Variants in CPLX1 observed in about 807,000 individuals in gnomAD.
CPLX1 encodes complexin-1.
In CPLX1, 6 loss-of-function variants were observed where a neutral mutation model predicts 15.6. That is an observed-to-expected ratio of 0.39 (90% CI 0.21 to 0.76). The LOEUF is 0.76. CPLX1 is among the 30% of genes least tolerant of loss of function. The pLI is 0.43. For synonymous variants in CPLX1, 91 were observed against 75.2 expected, an observed-to-expected ratio of 1.21 and a Z score of -1.08; for missense variants, 242 against 188.6, an observed-to-expected ratio of 1.28 and a Z score of -1.66.
chr4:792,771 C>G (rs1746223865), intron 2 of CPLX1, 163 bp from the exon 3 acceptor site: 2 of 711,242 alleles, frequency 2.8e-6, no homozygotes, highest in Non-Finnish European at 2.3e-6. Context: ...CCACCTCCAT[C>G]TGGCCCTGAC....
chr4:807,836 A>G (rs921724053), intron 2 of CPLX1, among the ~76,000 whole-genome samples: 2 of 152,166 alleles, frequency 1.3e-5, no homozygotes, highest in African/African-American at 4.8e-5. Flanking sequence ...TTATAATCTC[A>G]CCTGTCAAAA....
chr4:821,496 C>T (rs904134650), intron 2 of CPLX1, among the ~76,000 whole-genome samples: 1 of 152,304 alleles, frequency 6.6e-6, no homozygotes, highest in East Asian at 1.9e-4. Flanking sequence ...GATGGGAGAG[C>T]GGGTGGCTGC....
chr4:789,706 G>A lies in CPLX1; in HGVS notation c.207+2727C>T, dbSNP rs551660187. On this transcript the variant is annotated intron_variant, in intron 3 of 3. Transcript: ENST00000304062. ...GGCCTGTCCAGATGGCTGCCTGACAGGAGGTGCAGGCGCGCTGCTCCTCTG... is the reference window on the plus strand; with the variant it reads ...GGCCTGTCCAGATGGCTGCCTGACAAGAGGTGCAGGCGCGCTGCTCCTCTG... Among the ~76,000 whole-genome samples, 20 of 152,350 alleles carry A rather than the reference G, an allele frequency of 1.3e-4. 1 individual carries two copies. Among genetic ancestry groups the A allele is most frequent in the African/African-American group, 4.8e-4 (20 of 41,582 alleles).
rs1054557012 is a variant in CPLX1, at chr4:786,386, G to C, written c.*115C>G. ...GGCGGGCGCGGGCAGGGCGGGCCTG[G>C]GGCTATGGCTTATATCGGCGTGGGG... is the stretch of plus-strand genomic sequence containing the variant. On this transcript the variant is annotated 3_prime_UTR_variant, in exon 4 of 4. Coordinates refer to ENST00000304062, the MANE Select transcript of CPLX1 (RefSeq NM_006651.4). 1.2e-5 allele frequency: 15 copies of C among 1,212,912 alleles called. 1 individual carries two copies. The highest frequency in any genetic ancestry group is 3.1e-5 in the Admixed American group (1 of 32,064). 75.1% of individuals were successfully genotyped at this position (1,212,912 alleles called of 1,614,324 possible). A position where few individuals can be genotyped will look rare whatever the true frequency, so the allele number is the denominator to read the frequency against.
At chr4:823,551 C>G (rs1460397883) in intron 2 of CPLX1, among the ~76,000 whole-genome samples, 3 of 152,368 alleles carry the variant, frequency 2.0e-5, no homozygotes, top group Admixed American at 2.0e-4. Context: ...CAAGACGTCT[C>G]TAGTGGTAGA....
At chr4:817,755 G>A (rs1042643619) in intron 2 of CPLX1, among the ~76,000 whole-genome samples, 1 of 152,092 alleles carries the variant, frequency 6.6e-6, no homozygotes, top group Non-Finnish European at 1.5e-5. Flanking sequence ...TCCTCCTCCA[G>A]GCCCTGGGGC....
intron 2 of CPLX1, among the ~76,000 whole-genome samples, chr4:793,108 G>A (rs1408491885): frequency 6.6e-6 from 1 of 152,250 alleles, no homozygotes; most frequent in African/African-American, 2.4e-5. Context: ...GCAGTTGTGT[G>A]TGAGCTTCCA....
At position 797,101 on chromosome 4, in the gene CPLX1, T is replaced by G. The variant is rs6599377; in HGVS notation, c.32-4493A>C. Reference sequence around the variant, plus strand: ...GCACAACACACAGACACATTCTTATTGATTGTAGAACTAAACATGAATCCC... The same window carrying G: ...GCACAACACACAGACACATTCTTATGGATTGTAGAACTAAACATGAATCCC... On this transcript the variant is annotated intron_variant, in intron 2 of 3. Transcript: ENST00000304062. 8.0e-3 allele frequency among the ~76,000 whole-genome samples: 1,222 copies of G among 152,320 alleles called. 14 individuals carry two copies. The highest frequency in any genetic ancestry group is 0.026 in the African/African-American group (1,072 of 41,558).
At chr4:815,664 C>G (rs942875450) in intron 2 of CPLX1, among the ~76,000 whole-genome samples, 5 of 152,124 alleles carry the variant, frequency 3.3e-5, no homozygotes, top group Non-Finnish European at 5.9e-5. Flanking sequence ...TTAAGAAGTC[C>G]GTTATTGTAA....
Position 795,402 on chromosome 4 carries a change from C to T in CPLX1, c.32-2794G>A, listed in dbSNP as rs934933673. Reference sequence around the variant, plus strand: ...TGGAAGCATGAGCTGCATCCCGCATCCGCAGGAGGGCGGCGCTGCGACCCA... The same window carrying T: ...TGGAAGCATGAGCTGCATCCCGCATTCGCAGGAGGGCGGCGCTGCGACCCA... On this transcript the variant is annotated intron_variant, in intron 2 of 3. Transcript: ENST00000304062. Among the ~76,000 whole-genome samples, 3 of 152,212 alleles carry T rather than the reference C, an allele frequency of 2.0e-5. No homozygotes were observed. In the South Asian group the frequency reaches 6.2e-4, roughly 31 times the overall value.
At chr4:809,719 C>T (rs889571705) in intron 2 of CPLX1, among the ~76,000 whole-genome samples, 1 of 152,246 alleles carries the variant, frequency 6.6e-6, no homozygotes, top group African/African-American at 2.4e-5. Flanking sequence ...ACAGTGGACA[C>T]GTCCAGCCCT....
intron 3 of CPLX1, chr4:788,544 C>T (rs868314954): frequency 1.6e-5 from 16 of 985,352 alleles, no homozygotes; most frequent in African/African-American, 5.2e-5. Context: ...GAACGTTCTC[C>T]GCACAACAGG....
At chr4:797,038 A>C (rs1290966623) in intron 2 of CPLX1, among the ~76,000 whole-genome samples, 1 of 152,236 alleles carries the variant, frequency 6.6e-6, no homozygotes, top group African/African-American at 2.4e-5. Context: ...CCCAGATGGG[A>C]CAGGATACTT....
At chr4:807,013 A>G (rs1746566354) in intron 2 of CPLX1, among the ~76,000 whole-genome samples, 1 of 152,254 alleles carries the variant, frequency 6.6e-6, no homozygotes, top group African/African-American at 2.4e-5. Context: ...CTATTTTAAG[A>G]TATATGTACG....
chr4:824,864 A>G, intron 1 of CPLX1: 1 of 492,970 alleles, frequency 2.0e-6, no homozygotes, highest in South Asian at 1.7e-5. Flanking sequence ...GGCATCGCTC[A>G]GAGGCGCCTG....
rs144353088 is a variant in CPLX1, at chr4:810,497, G to A, written c.31+13995C>T. The stretch of plus-strand genomic sequence containing the variant: ...TTTAAGCTCCCACTGGAGAGCATGA[G>A]GGCGTGGGTTTCTCCACATGCGTGA... On this transcript the variant is annotated intron_variant, in intron 2 of 3. Transcript: ENST00000304062. Among the ~76,000 whole-genome samples the A allele has an allele frequency of 6.0e-3, 913 of 152,300 alleles. 5 individuals carry two copies. The highest frequency in any genetic ancestry group is 0.021 in the African/African-American group (869 of 41,552).
chr4:786,860 G>GC, intron 3 of CPLX1, 162 bp from the exon 4 acceptor site: 1 of 923,124 alleles, frequency 1.1e-6, no homozygotes, highest in Non-Finnish European at 1.3e-6. Flanking sequence ...ACCCCACCCC[G>GC]GGGGGTCCCT....
chr4:792,280 C>G (rs1369785778), intron 3 of CPLX1, among the ~76,000 whole-genome samples, 153 bp downstream of exon 3: 1 of 152,294 alleles, frequency 6.6e-6, no homozygotes, highest in East Asian at 1.9e-4. Context: ...GCCCCCACCC[C>G]TCACCCCTCC....
chr4:792,757 C>T, intron 2 of CPLX1, 149 bp from the exon 3 acceptor site: 4 of 784,804 alleles, frequency 5.1e-6, no homozygotes, highest in Non-Finnish European at 7.9e-6. Context: ...TCCAGCCGCT[C>T]CTCCCACCTC....
Sources: gnomAD v4.1 joint callset for allele counts (sites outside exome capture counted in the v4.1 genomes callset) on GRCh38, gnomAD v4.1.1 for gene constraint, MANE v1.5 for transcripts, NCBI Gene and HGNC (gene_info 2026-07-23, HGNC 2026-07-21) for gene names.